Variants in KLRD1 observed in about 807,000 individuals in gnomAD.
KLRD1 encodes the protein killer cell lectin like receptor D1.
KLRD1 carries 21 observed loss-of-function variants against 22.6 expected under a neutral mutation model. The observed-to-expected ratio is 0.93, with a 90% CI of 0.66 to 1.34. KLRD1 has a LOEUF of 1.34. Among genes scored for constraint, KLRD1 ranks in the 40% most tolerant of loss-of-function variants. The probability of loss-of-function intolerance (pLI) is 0.00; values close to 1 mark genes in which losing one functional copy is unlikely to be tolerated. For synonymous variants in KLRD1, 59 were observed against 71.1 expected, an observed-to-expected ratio of 0.83 and a Z score of 0.85; for missense variants, 183 against 208.6, an observed-to-expected ratio of 0.88 and a Z score of 0.76.
intron 5 of KLRD1, 88 bp downstream of exon 5, chr12:10,313,601 G>T: frequency 4.5e-6 from 3 of 669,436 alleles, no homozygotes; most frequent in East Asian, 2.8e-5. Context: ...GGAGCACTGT[G>T]GCTGAAATAA....
chr12:10,299,327 A>G (rs1368623890), intron 1 of KLRD1, among the ~76,000 whole-genome samples: 1 of 152,230 alleles, frequency 6.6e-6, no homozygotes, highest in East Asian at 1.9e-4. Context: ...AATTATTTCC[A>G]GATAATGATA....
At position 10,286,948 on chromosome 12, in the gene KLRD1, G is replaced by C. The variant is rs538173581; in HGVS notation, c.-100-21030G>C. ...AGGTCATGAGTTCGAGACCAGCCTG[G>C]CCAATGTGGCAAAACCCCATTTCTA... On this transcript the variant is annotated intron_variant, in intron 1 of 5. Coordinates refer to the KLRD1 transcript ENST00000544747. Among the ~76,000 whole-genome samples, 268 of 152,184 alleles carry C rather than the reference G, an allele frequency of 1.8e-3. 1 individual carries two copies. Among genetic ancestry groups the C allele is most frequent in the Non-Finnish European group, 3.4e-3 (228 of 68,008 alleles).
chr12:10,314,769 T>C lies in KLRD1; in HGVS notation c.516T>C (p.Tyr172=). The change falls in exon 6 of 6, where the codon TAT becomes TAC. Residue 172 remains tyrosine (Y), a synonymous_variant. Transcript: ENST00000336164. The part of the protein sequence containing the change: ...LDESCEDKNR[Y]ICKQQLI ...AATCCTGTGAAGATAAAAATCGTTATATCTGTAAGCAACAGCTCATTTAAA... is the reference window on the plus strand; with the variant it reads ...AATCCTGTGAAGATAAAAATCGTTACATCTGTAAGCAACAGCTCATTTAAA... The C allele has an allele frequency of 6.2e-7, 1 of 1,606,730 alleles. No homozygotes were observed. Among genetic ancestry groups the C allele is most frequent in the Non-Finnish European group, 8.5e-7 (1 of 1,177,772 alleles).
chr12:10,257,146 T>TTC (rs1370681317), intron 1 of KLRD1, among the ~76,000 whole-genome samples: 14 of 150,072 alleles, frequency 9.3e-5, no homozygotes, highest in Non-Finnish European at 1.8e-4. Flanking sequence ...TTTCTTTTTT[T>TTC]TTTTTTTTTT....
At chr12:10,294,154 A>C (rs921917563) in intron 1 of KLRD1, among the ~76,000 whole-genome samples, 3 of 152,210 alleles carry the variant, frequency 2.0e-5, no homozygotes. Context: ...ATGGACTTGA[A>C]GATTTCTCTA....
At chr12:10,244,281 C>T (rs990458969) in intron 1 of KLRD1, among the ~76,000 whole-genome samples, 1 of 152,076 alleles carries the variant, frequency 6.6e-6, no homozygotes, top group Non-Finnish European at 1.5e-5. Flanking sequence ...AAACAGAGCT[C>T]AGGGAACACC....
At chr12:10,257,889 T>C (rs541882105) in intron 1 of KLRD1, among the ~76,000 whole-genome samples, 1 of 152,228 alleles carries the variant, frequency 6.6e-6, no homozygotes, top group African/African-American at 2.4e-5. Context: ...CTATTAACTG[T>C]GTACTGTAGG....
In KLRD1 at chr12:10,319,093, A is replaced by C. The variant is rs1472005266; in HGVS notation, c.*4300A>C. On this transcript the variant is annotated 3_prime_UTR_variant, in exon 6 of 6. Coordinates refer to ENST00000336164, the MANE Select transcript of KLRD1 (RefSeq NM_002262.5). ...CCATGGTGGTGCTAAAGAAGACATA[A>C]ATAATACAAAAATGAATGGTTTGAC... 6.6e-6 allele frequency: 1 copy of C among 152,154 alleles called. No individual in the cohort carries two copies. Among genetic ancestry groups the C allele is most frequent in the Non-Finnish European group, 1.5e-5 (1 of 68,038 alleles). 9.4% of individuals were successfully genotyped at this position (152,154 alleles called of 1,614,324 possible). A position where few individuals can be genotyped will look rare whatever the true frequency, so the allele number is the denominator to read the frequency against.
intron 1 of KLRD1, among the ~76,000 whole-genome samples, chr12:10,257,341 A>G (rs1592031805): frequency 6.6e-6 from 1 of 150,576 alleles, no homozygotes; most frequent in Non-Finnish European, 1.5e-5. Flanking sequence ...CTATTCTATG[A>G]CACTTATAAT....
At chr12:10,274,119 C>CT (rs10673537) in intron 1 of KLRD1, among the ~76,000 whole-genome samples, 2 of 151,738 alleles carry the variant, frequency 1.3e-5, no homozygotes, top group Non-Finnish European at 2.9e-5. Context: ...CTCGTCTCTA[C>CT]AAAACACAAA....
In KLRD1 at chr12:10,317,618, T is replaced by C. The variant is rs1349373237; in HGVS notation, c.*2825T>C. On this transcript the variant is annotated 3_prime_UTR_variant, in exon 6 of 6. Transcript: ENST00000336164. ...TTGCCTCCCTGGAAACATATTTTCCTACTTTTCTTTAATAAATCTGCCTTC... is the reference window on the plus strand; with the variant it reads ...TTGCCTCCCTGGAAACATATTTTCCCACTTTTCTTTAATAAATCTGCCTTC... 6.6e-6 allele frequency: 1 copy of C among 152,246 alleles called. No homozygotes were observed. Among genetic ancestry groups the C allele is most frequent in the Non-Finnish European group, 1.5e-5 (1 of 68,048 alleles). 9.4% of individuals were successfully genotyped at this position (152,246 alleles called of 1,614,324 possible). A position where few individuals can be genotyped will look rare whatever the true frequency, so the allele number is the denominator to read the frequency against.
intron 1 of KLRD1, among the ~76,000 whole-genome samples, chr12:10,271,180 G>T (rs1286751947): frequency 6.6e-6 from 1 of 151,710 alleles, no homozygotes; most frequent in Non-Finnish European, 1.5e-5. Context: ...CTGTTGGCCA[G>T]ACAGGTATTC....
Position 10,329,607 on chromosome 12 carries a change from C to T in KLRD1, c.*14814C>T, listed in dbSNP as rs1950392423. ...TTATTAAAAGTGAGCACTGAAATCT[C>T]CTACTGTTATTGTATTGCTATCTAT... On this transcript the variant is annotated 3_prime_UTR_variant, in exon 6 of 6. Transcript: ENST00000336164. 6.6e-6 allele frequency: 1 copy of T among 152,128 alleles called. No individual in the cohort carries two copies. The highest frequency in any genetic ancestry group is 2.4e-5 in the African/African-American group (1 of 41,414). The allele number at this position is 152,128 out of a possible 1,614,324, so 9.4% of individuals were successfully genotyped here. A position where few individuals can be genotyped will look rare whatever the true frequency, so the allele number is the denominator to read the frequency against.
intron 1 of KLRD1, 174 bp downstream of exon 1, chr12:10,308,258 A>T: frequency 1.6e-6 from 1 of 614,172 alleles, no homozygotes; most frequent in East Asian, 2.8e-5. Flanking sequence ...TCTTCATTGT[A>T]TAACTTAGAC....
chr12:10,283,427 T>C (rs1301073979), intron 1 of KLRD1, among the ~76,000 whole-genome samples: 2 of 152,144 alleles, frequency 1.3e-5, no homozygotes, highest in African/African-American at 4.8e-5. Context: ...ATGAGTAAGC[T>C]CTAGAGATCT....
At chr12:10,250,960 CCAT>C (rs1420563392) in intron 1 of KLRD1, among the ~76,000 whole-genome samples, 1 of 152,026 alleles carries the variant, frequency 6.6e-6, no homozygotes, top group African/African-American at 2.4e-5. Flanking sequence ...CGTTCATTTA[CCAT>C]CATTATCAAC....
At chr12:10,270,519 C>G (rs1949539844) in intron 1 of KLRD1, among the ~76,000 whole-genome samples, 1 of 152,108 alleles carries the variant, frequency 6.6e-6, no homozygotes, top group Non-Finnish European at 1.5e-5. Context: ...AAAGAACTTT[C>G]ACCAAGAATA....
upstream of KLRD1, among the ~76,000 whole-genome samples, chr12:10,306,260 GTGTA>G (rs1002245857): frequency 1.4e-4 from 22 of 152,146 alleles, no homozygotes; most frequent in Admixed American, 6.6e-4. Context: ...TACTGTGTGT[GTGTA>G]TGTGTGTGTG....
At position 10,325,016 on chromosome 12, in the gene KLRD1, C is replaced by G. The variant is rs1013379970; in HGVS notation, c.*10223C>G. On this transcript the variant is annotated 3_prime_UTR_variant, in exon 6 of 6. Transcript: ENST00000336164. ...CCTTTAATTCTTTTTATCACCTTGTCACAGTGGCCAGAATATTCAACACAA... is the reference window on the plus strand; with the variant it reads ...CCTTTAATTCTTTTTATCACCTTGTGACAGTGGCCAGAATATTCAACACAA... 5.3e-5 allele frequency: 8 copies of G among 151,570 alleles called. No individual in the cohort carries two copies. The highest frequency in any genetic ancestry group is 1.9e-4 in the African/African-American group (8 of 41,294). 9.4% of individuals were successfully genotyped at this position (151,570 alleles called of 1,614,324 possible).
Sources: gnomAD v4.1 joint callset for allele counts (sites outside exome capture counted in the v4.1 genomes callset) on GRCh38, gnomAD v4.1.1 for gene constraint, MANE v1.5 for transcripts, NCBI Gene and HGNC (gene_info 2026-07-23, HGNC 2026-07-21) for gene names.